CDC42BPA: variants seen among roughly 807,000 people sequenced by gnomAD.
CDC42BPA encodes CDC42 binding protein kinase alpha, also known as serine/threonine-protein kinase MRCK alpha.
Under a neutral mutation model 223.5 loss-of-function variants are expected in CDC42BPA, and 80 were observed. That is an observed-to-expected ratio of 0.36 (90% CI 0.30 to 0.43). The LOEUF (loss-of-function observed/expected upper bound fraction) is 0.43. Ranked by LOEUF, CDC42BPA falls within the 20% of genes least tolerant of loss-of-function variation. CDC42BPA has a pLI of 1.00. For missense variants in CDC42BPA, 1,743 were observed against 2,099.9 expected (o/e 0.83, Z 3.32); for synonymous variants, 694 against 718.6 (o/e 0.97, Z 0.55).
intron 32 of CDC42BPA, 25 bp from the exon 33 acceptor site, chr1:227,017,075 TA>T: frequency 6.2e-7 from 1 of 1,600,248 alleles, no homozygotes; most frequent in Non-Finnish European, 8.5e-7. Context: ...ATACAAACGA[TA>T]ATGATGTTCT....
At chr1:227,127,480 G>C (rs962307982) in intron 11 of CDC42BPA, among the ~76,000 whole-genome samples, 5 of 152,198 alleles carry the variant, frequency 3.3e-5, no homozygotes, top group African/African-American at 9.6e-5. Flanking sequence ...AAAAAGAGGA[G>C]AGATATGCTT....
chr1:227,174,193 C>A (rs1406441154), intron 5 of CDC42BPA, among the ~76,000 whole-genome samples: 13 of 152,068 alleles, frequency 8.5e-5, no homozygotes, highest in African/African-American at 3.1e-4. Flanking sequence ...CGAGGAGCAT[C>A]CATATAACAT....
chr1:227,190,624 C>T (rs7539750), intron 5 of CDC42BPA, among the ~76,000 whole-genome samples: 24,210 of 152,148 alleles, frequency 0.16, 2,417 homozygotes, highest in African/African-American at 0.27. Context: ...TGCCTCCAAA[C>T]AACTGAAACC....
Position 226,990,370 on chromosome 1 carries a change from C to T in CDC42BPA, c.*3898G>A, listed in dbSNP as rs1364674268. ...GGGGGGCAGGGCTTACACTCCTTATCTAGCAGAAGTGCACAGAGAACTCTG... is the reference window on the plus strand; with the variant it reads ...GGGGGGCAGGGCTTACACTCCTTATTTAGCAGAAGTGCACAGAGAACTCTG... On this transcript the variant is annotated 3_prime_UTR_variant, in exon 37 of 37. Coordinates refer to ENST00000366766, the MANE Select transcript of CDC42BPA (RefSeq NM_001394014.1). 1 of 152,244 alleles carries T rather than the reference C, an allele frequency of 6.6e-6. No homozygotes were observed. Among genetic ancestry groups the T allele is most frequent in the Non-Finnish European group, 1.5e-5 (1 of 68,054 alleles). 9.4% of individuals were successfully genotyped at this position (152,244 alleles called of 1,614,324 possible).
At chr1:227,247,380 A>C (rs1015302110) in intron 2 of CDC42BPA, among the ~76,000 whole-genome samples, 11 of 151,946 alleles carry the variant, frequency 7.2e-5, no homozygotes, top group Non-Finnish European at 1.3e-4. Context: ...CTGTAATCCC[A>C]GCTACTCAGA....
chr1:227,193,326 C>T (rs1039674447), intron 5 of CDC42BPA, among the ~76,000 whole-genome samples: 3 of 151,966 alleles, frequency 2.0e-5, no homozygotes, highest in Admixed American at 1.3e-4. Context: ...TCCCAAAGTG[C>T]TGGGATTACA....
chr1:227,232,624 C>T (rs1678203491), intron 2 of CDC42BPA, among the ~76,000 whole-genome samples: 1 of 152,156 alleles, frequency 6.6e-6, no homozygotes, highest in Non-Finnish European at 1.5e-5. Context: ...TGTTAGTCTT[C>T]CTTCTAACAG....
intron 3 of CDC42BPA, among the ~76,000 whole-genome samples, chr1:227,205,309 C>CAA (rs1672520528): frequency 7.5e-6 from 1 of 133,004 alleles, no homozygotes; most frequent in South Asian, 2.3e-4. Flanking sequence ...TATATATACA[C>CAA]ACACACACAC....
intron 5 of CDC42BPA, among the ~76,000 whole-genome samples, chr1:227,191,213 C>T (rs1006517057): frequency 6.6e-6 from 1 of 151,862 alleles, no homozygotes; most frequent in African/African-American, 2.4e-5. Flanking sequence ...GGCTTCATGG[C>T]GCATGACTGT....
At chr1:227,066,152 A>G (rs531174615) in intron 21 of CDC42BPA, among the ~76,000 whole-genome samples, 4 of 152,272 alleles carry the variant, frequency 2.6e-5, no homozygotes, top group Non-Finnish European at 5.9e-5. Flanking sequence ...GCACTTTGAG[A>G]GGTTGAGACG....
chr1:227,223,571 A>C (rs1676315549), intron 2 of CDC42BPA, among the ~76,000 whole-genome samples: 1 of 152,156 alleles, frequency 6.6e-6, no homozygotes, highest in Non-Finnish European at 1.5e-5. Flanking sequence ...GAAACTGAAG[A>C]AATACTGAGT....
At chr1:227,291,116 T>C (rs922461371) in intron 1 of CDC42BPA, among the ~76,000 whole-genome samples, 2 of 152,056 alleles carry the variant, frequency 1.3e-5, no homozygotes, top group Non-Finnish European at 2.9e-5. Flanking sequence ...ATTTTGGTCA[T>C]TGAGAATGGA....
chr1:227,181,428 A>C (rs545721373), intron 5 of CDC42BPA, among the ~76,000 whole-genome samples: 36 of 152,294 alleles, frequency 2.4e-4, no homozygotes, highest in African/African-American at 7.2e-4. Flanking sequence ...TGTACATATT[A>C]TTTACTTTGG....
intron 29 of CDC42BPA, among the ~76,000 whole-genome samples, chr1:227,029,980 C>T (rs1321237976): frequency 6.6e-6 from 1 of 151,798 alleles, no homozygotes; most frequent in Non-Finnish European, 1.5e-5. Context: ...ACTAAAAATA[C>T]AAAATTAGCC....
chr1:227,074,435 CT>C, intron 17 of CDC42BPA, 71 bp from the exon 18 acceptor site: 1 of 1,093,940 alleles, frequency 9.1e-7, no homozygotes, highest in African/African-American at 1.6e-5. Flanking sequence ...TATTTTAAAG[CT>C]TCCTAAAGAA....
At chr1:227,282,439 T>A (rs1353981985) in intron 1 of CDC42BPA, among the ~76,000 whole-genome samples, 1 of 152,230 alleles carries the variant, frequency 6.6e-6, no homozygotes, top group Non-Finnish European at 1.5e-5. Flanking sequence ...CAGTGTTTAC[T>A]GTTACACATG....
chr1:226,999,940 G>C (rs1662431818), intron 35 of CDC42BPA, among the ~76,000 whole-genome samples: 1 of 148,676 alleles, frequency 6.7e-6, no homozygotes, highest in Non-Finnish European at 1.5e-5. Flanking sequence ...CACACACTGG[G>C]GCCTGTTGGG....
intron 6 of CDC42BPA, among the ~76,000 whole-genome samples, chr1:227,152,132 T>G (rs899350936): frequency 1.3e-5 from 2 of 152,226 alleles, no homozygotes; most frequent in Non-Finnish European, 2.9e-5. Flanking sequence ...GAGACTAACC[T>G]GTTATTAGAC....
rs560997692 is a variant in CDC42BPA at position 227,180,269 on chromosome 1, T to C, written c.599+13517A>G. ...TTTAAAATAAAGAAGGAATTCTCAATTTTTTCCAAAAAGCTGTTAAATATT... is the reference window on the plus strand; with the variant it reads ...TTTAAAATAAAGAAGGAATTCTCAACTTTTTCCAAAAAGCTGTTAAATATT... On this transcript the variant is annotated intron_variant, in intron 5 of 36. Coordinates refer to ENST00000366766, the MANE Select transcript of CDC42BPA (RefSeq NM_001394014.1). Among the ~76,000 whole-genome samples, 161 of 152,250 alleles carry C rather than the reference T, an allele frequency of 1.1e-3. 2 individuals are homozygous for C. Among genetic ancestry groups the C allele is most frequent in the Middle Eastern group, 0.01 (3 of 294 alleles).
Sources: gnomAD v4.1 joint callset for allele counts (sites outside exome capture counted in the v4.1 genomes callset) on GRCh38, gnomAD v4.1.1 for gene constraint, MANE v1.5 for transcripts, NCBI Gene and HGNC (gene_info 2026-07-23, HGNC 2026-07-21) for gene names.